Variants in FLACC1 observed in about 807,000 individuals in gnomAD.
FLACC1 encodes the protein flagellum-associated coiled-coil domain-containing protein 1.
Under a neutral mutation model 62.8 loss-of-function variants are expected in FLACC1, and 66 were observed. The ratio of observed to expected loss-of-function variants is 1.05; its 90% confidence interval spans 0.86 to 1.29. The LOEUF (loss-of-function observed/expected upper bound fraction) is 1.29, where lower values mean the gene tolerates loss of function less well. Among genes scored for constraint, FLACC1 ranks in the 50% most tolerant of loss-of-function variants. FLACC1 has a pLI of 0.00. For missense variants in FLACC1, 452 were observed against 489.1 expected (o/e 0.92, Z 0.71); for synonymous variants, 156 against 161.0 (o/e 0.97, Z 0.24).
intron 13 of FLACC1, 42 bp from the exon 14 acceptor site, chr2:201,289,608 A>G: frequency 6.2e-7 from 1 of 1,612,666 alleles, no homozygotes. Context: ...CCCAACCCAG[A>G]GCCATCCAGG....
At chr2:201,355,036 G>C (rs576967991) in intron 1 of FLACC1, among the ~76,000 whole-genome samples, 27 of 152,324 alleles carry the variant, frequency 1.8e-4, no homozygotes, top group Admixed American at 4.6e-4. Context: ...TGTAATTCCA[G>C]CACTTTGGGA....
At chr2:201,362,373 G>A (rs763380994), upstream of FLACC1, among the ~76,000 whole-genome samples, 7 of 151,802 alleles carry the variant, frequency 4.6e-5, no homozygotes, top group Non-Finnish European at 7.4e-5. Flanking sequence ...GAGTCTTTCA[G>A]TGTGCCTTGG....
intron 7 of FLACC1, 91 bp from the exon 8 acceptor site, chr2:201,330,924 C>A: frequency 1.1e-6 from 1 of 923,844 alleles, no homozygotes; most frequent in Non-Finnish European, 1.6e-6. Flanking sequence ...CTCCACCCTC[C>A]CACAGGAAGT....
chr2:201,324,057 G>C (rs1410067433), intron 9 of FLACC1, among the ~76,000 whole-genome samples: 1 of 152,014 alleles, frequency 6.6e-6, no homozygotes, highest in African/African-American at 2.4e-5. Context: ...AAAAAATACA[G>C]AATGACAGAA....
chr2:201,349,049 C>G (rs547833203), intron 3 of FLACC1, among the ~76,000 whole-genome samples: 1 of 152,328 alleles, frequency 6.6e-6, no homozygotes, highest in South Asian at 2.1e-4. Context: ...AACCTTAATT[C>G]CATCTGCAGC....
At chr2:201,300,157 A>T (rs1399618348) in intron 11 of FLACC1, among the ~76,000 whole-genome samples, 1 of 152,218 alleles carries the variant, frequency 6.6e-6, no homozygotes, top group Non-Finnish European at 1.5e-5. Context: ...GAGGGGTCAG[A>T]TAATTCCCTT....
chr2:201,359,051 G>C (rs974993050), upstream of FLACC1, among the ~76,000 whole-genome samples: 4 of 152,212 alleles, frequency 2.6e-5, no homozygotes, highest in Non-Finnish European at 5.9e-5. Flanking sequence ...AAAGTCTGTG[G>C]CAGTGGTCGT....
At chr2:201,319,217 T>C (rs1269240903) in intron 9 of FLACC1, among the ~76,000 whole-genome samples, 1 of 152,052 alleles carries the variant, frequency 6.6e-6, no homozygotes, top group Non-Finnish European at 1.5e-5. Flanking sequence ...CACACCTACA[T>C]CCATCTGATC....
At position 201,351,440 on chromosome 2, in the gene FLACC1, A is replaced by C; in HGVS notation, c.-36T>G. The stretch of plus-strand genomic sequence containing the variant: ...CAGGGGGAGTCTTGGCTGCTAGATC[A>C]GGAGGCTCTTGCTGAAATTGAAAAA... On this transcript the variant is annotated 5_prime_UTR_variant, in exon 2 of 15. The change abolishes the stop of an existing upstream ORF in the 5' untranslated region. Coordinates refer to ENST00000392257, the MANE Select transcript of FLACC1 (RefSeq NM_001127391.3). 6.8e-7 allele frequency: 1 copy of C among 1,481,040 alleles called. No individual in the cohort carries two copies. Among genetic ancestry groups the C allele is most frequent in the Non-Finnish European group, 9.4e-7 (1 of 1,062,560 alleles). The allele number at this position is 1,481,040 out of a possible 1,614,324, so 91.7% of individuals were successfully genotyped here. A position where few individuals can be genotyped will look rare whatever the true frequency, so the allele number is the denominator to read the frequency against.
chr2:201,352,660 C>T (rs954639114), intron 1 of FLACC1, among the ~76,000 whole-genome samples: 1 of 152,180 alleles, frequency 6.6e-6, no homozygotes. Context: ...GGACTTGGAA[C>T]TGGTAGATTA....
intron 14 of FLACC1, 38 bp from the exon 15 acceptor site, chr2:201,288,819 A>C: frequency 6.2e-7 from 1 of 1,604,796 alleles, no homozygotes. Context: ...ATGTCAACTC[A>C]AAAGCTAGAA....
chr2:201,353,624 G>A lies in FLACC1; in HGVS notation c.-47-2173C>T, dbSNP rs140875789. On this transcript the variant is annotated intron_variant, in intron 1 of 14. Coordinates refer to ENST00000392257, the MANE Select transcript of FLACC1 (RefSeq NM_001127391.3). ...TTTTTTCTTTTCAGAGTCTCACTCT[G>A]TCACCCAGGCTGGAGTGCAGTGGCA... Among the ~76,000 whole-genome samples, 677 of 151,978 alleles carry A rather than the reference G, an allele frequency of 4.5e-3. 4 individuals are homozygous for A. Among genetic ancestry groups the A allele is most frequent in the African/African-American group, 0.015 (630 of 41,414 alleles).
intron 9 of FLACC1, among the ~76,000 whole-genome samples, chr2:201,309,840 G>GAGGTTGC (rs1412402468): frequency 1.4e-5 from 2 of 142,348 alleles, no homozygotes; most frequent in Non-Finnish European, 3.0e-5. Context: ...CTAGAAGGCA[G>GAGGTTGC]AGGTTGCAGT....
At chr2:201,362,372 A>C (rs1358612693), upstream of FLACC1, among the ~76,000 whole-genome samples, 1 of 152,026 alleles carries the variant, frequency 6.6e-6, no homozygotes, top group East Asian at 1.9e-4. Context: ...AGAGTCTTTC[A>C]GTGTGCCTTG....
intron 10 of FLACC1, among the ~76,000 whole-genome samples, chr2:201,308,528 C>T (rs557605082): frequency 6.6e-6 from 1 of 152,208 alleles, no homozygotes; most frequent in African/African-American, 2.4e-5. Context: ...TGTAGAGGTC[C>T]CACTCCTACC....
intron 12 of FLACC1, among the ~76,000 whole-genome samples, chr2:201,294,435 A>C (rs988155285): frequency 6.6e-6 from 1 of 152,214 alleles, no homozygotes; most frequent in African/African-American, 2.4e-5. Context: ...TGATTATCTC[A>C]ATAGATGCAG....
the FLACC1 span, among the ~76,000 whole-genome samples, chr2:201,363,838 T>C: frequency 9.8e-5 from 15 of 152,360 alleles, no homozygotes; most frequent in East Asian, 2.3e-3. Flanking sequence ...TGCAGGGAAC[T>C]TGGGGTCGAG....
intron 12 of FLACC1, among the ~76,000 whole-genome samples, chr2:201,295,865 C>T (rs996910687): frequency 6.6e-6 from 1 of 152,198 alleles, no homozygotes; most frequent in South Asian, 2.1e-4. Context: ...TATGAACAGA[C>T]ACTTCTCAAA....
At chr2:201,306,990 T>G (rs1461878594) in intron 11 of FLACC1, among the ~76,000 whole-genome samples, 1 of 152,206 alleles carries the variant, frequency 6.6e-6, no homozygotes, top group Non-Finnish European at 1.5e-5. Flanking sequence ...TACCACTTCA[T>G]GCCCACTGGA....
Sources: gnomAD v4.1 joint callset for allele counts (sites outside exome capture counted in the v4.1 genomes callset) on GRCh38, gnomAD v4.1.1 for gene constraint, MANE v1.5 for transcripts, NCBI Gene and HGNC (gene_info 2026-07-23, HGNC 2026-07-21) for gene names.